The following ANKRD31 variants were observed in gnomAD, a reference collection of about 807,000 sequenced individuals.
The protein encoded by ANKRD31 is ankyrin repeat domain-containing protein 31.
A neutral mutation model predicts 186.0 loss-of-function variants in ANKRD31; 147 were observed. The ratio of observed to expected loss-of-function variants is 0.79; its 90% CI spans 0.69 to 0.91. ANKRD31 has a LOEUF of 0.91. ANKRD31 is among the 40% of genes least tolerant of loss of function. The pLI is 0.00. For missense variants in ANKRD31, 1,986 were observed against 2,148.8 expected, an observed-to-expected ratio of 0.92 and a Z score of 1.50; for synonymous variants, 673 against 736.4, an observed-to-expected ratio of 0.91 and a Z score of 1.39.
At chr5:75,110,480 G>A (rs978296839) in intron 20 of ANKRD31, among the ~76,000 whole-genome samples, 2 of 151,926 alleles carry the variant, frequency 1.3e-5, no homozygotes, top group African/African-American at 4.8e-5. Flanking sequence ...GGGAGGTCGA[G>A]GTGGGCCGAT....
intron 17 of ANKRD31, among the ~76,000 whole-genome samples, chr5:75,126,765 T>C (rs1206331378): frequency 6.6e-6 from 1 of 152,110 alleles, no homozygotes; most frequent in Non-Finnish European, 1.5e-5. Flanking sequence ...GATTTAGACA[T>C]CCAGACACAG....
chr5:75,223,289 AC>A (rs144763606), intron 2 of ANKRD31, among the ~76,000 whole-genome samples: 8,261 of 152,248 alleles, frequency 0.054, 516 homozygotes, highest in African/African-American at 0.15. Flanking sequence ...AAGAGGAAAC[AC>A]ATATACTACA....
chr5:75,175,151 T>G (rs1380656728), intron 10 of ANKRD31, among the ~76,000 whole-genome samples: 1 of 152,176 alleles, frequency 6.6e-6, no homozygotes, highest in Admixed American at 6.5e-5. Context: ...ACACCGCATG[T>G]TCTCACTCAT....
At chr5:75,075,231 T>C (rs1744536541) in intron 25 of ANKRD31, among the ~76,000 whole-genome samples, 2 of 152,222 alleles carry the variant, frequency 1.3e-5, no homozygotes, top group Non-Finnish European at 1.5e-5. Flanking sequence ...AAGGATTCTA[T>C]TACTGAGATT....
At chr5:75,167,767 G>T (rs1293369351) in intron 11 of ANKRD31, among the ~76,000 whole-genome samples, 4 of 152,092 alleles carry the variant, frequency 2.6e-5, no homozygotes. Context: ...TTCGAAGTGG[G>T]GCAAAGGAAC....
At chr5:75,117,785 A>T (rs1748419200) in intron 18 of ANKRD31, among the ~76,000 whole-genome samples, 1 of 152,124 alleles carries the variant, frequency 6.6e-6, no homozygotes, top group Non-Finnish European at 1.5e-5. Flanking sequence ...TTAGTTGCAA[A>T]AACTTCAGTA....
rs577774324 is a variant in ANKRD31, at chr5:75,147,563, C to T, written c.1906-58G>A. ...TTTCAGCGGTAGTACTATATCAATT[C>T]AATCTGGATTATTGATAAATCAACT... On this transcript the variant is annotated intron_variant, in intron 13 of 25. Transcript: ENST00000506364. 140 of 1,062,320 alleles carry T rather than the reference C, an allele frequency of 1.3e-4. 1 individual carries two copies. In the African/African-American group the frequency reaches 2.0e-3, roughly 15 times the overall value. The allele number at this position is 1,062,320 out of a possible 1,614,324, so 65.8% of individuals were successfully genotyped here. A position where few individuals can be genotyped will look rare whatever the true frequency, so the allele number is the denominator to read the frequency against.
In ANKRD31 at chr5:75,146,016, C is replaced by A; in HGVS notation, c.3395G>T (p.Arg1132Ile). The change falls in exon 14 of 26, where the codon AGA becomes ATA. Residue 1132 changes from arginine to isoleucine, a missense_variant. By Grantham distance (97) the Arg-to-Ile change is moderately conservative. Coordinates refer to ENST00000506364, the MANE Select transcript of ANKRD31 (RefSeq NM_001372053.1). ...ELANISKLSQ[R>I]EKKEISHKPD... Reference sequence around the variant, plus strand: ...TTTGTGAGAAATTTCCTTCTTTTCTCTTTGACTAAGTTTTGAGATGTTGGC... The same window carrying A: ...TTTGTGAGAAATTTCCTTCTTTTCTATTTGACTAAGTTTTGAGATGTTGGC... 1 of 1,494,260 alleles carries A rather than the reference C, an allele frequency of 6.7e-7. No homozygotes were observed. The highest frequency in any genetic ancestry group is 1.3e-5 in the South Asian group (1 of 76,616). 92.6% of individuals were successfully genotyped at this position (1,494,260 alleles called of 1,614,324 possible). A position where few individuals can be genotyped will look rare whatever the true frequency, so the allele number is the denominator to read the frequency against.
Position 75,068,623 on chromosome 5 carries a change from G to A in ANKRD31, c.5689C>T (p.Gln1897Ter), listed in dbSNP as rs1177388264. ...CTGATTAATAGTATTTCATTTATTTGTAGATAACGTGGGCTGCTTTGCATT... is the reference window on the plus strand; with the variant it reads ...CTGATTAATAGTATTTCATTTATTTATAGATAACGTGGGCTGCTTTGCATT... ...ESMQSSPRYL[Q>*]INEILLISDQ... is the part of the protein sequence containing the mutation. The change falls in exon 26 of 26, where the codon CAA (glutamine) becomes TAA (stop). Residue 1897 changes from glutamine to a stop codon, truncating the protein, a stop_gained. Transcript: ENST00000506364. LOFTEE classifies it high-confidence loss of function. The A allele has an allele frequency of 3.9e-6, 6 of 1,523,212 alleles. No homozygotes were observed. Among genetic ancestry groups the A allele is most frequent in the Non-Finnish European group, 5.3e-6 (6 of 1,140,922 alleles). 94.4% of individuals were successfully genotyped at this position (1,523,212 alleles called of 1,614,324 possible).
chr5:75,132,298 A>C (rs1306085927), intron 17 of ANKRD31, among the ~76,000 whole-genome samples: 5 of 152,224 alleles, frequency 3.3e-5, no homozygotes, highest in Non-Finnish European at 5.9e-5. Flanking sequence ...GCTAACTAGA[A>C]TAAACAGCAT....
At chr5:75,083,795 T>C (rs1745274636) in intron 24 of ANKRD31, among the ~76,000 whole-genome samples, 2 of 151,846 alleles carry the variant, frequency 1.3e-5, no homozygotes, top group African/African-American at 4.8e-5. Context: ...GGACAAATTA[T>C]GGTAAATCCA....
At chr5:75,151,990 T>C (rs1751872249) in intron 12 of ANKRD31, among the ~76,000 whole-genome samples, 1 of 152,082 alleles carries the variant, frequency 6.6e-6, no homozygotes, top group Non-Finnish European at 1.5e-5. Context: ...AATGAATGAA[T>C]GAATGACTCT....
intron 12 of ANKRD31, among the ~76,000 whole-genome samples, chr5:75,149,256 AG>A (rs1751694163): frequency 1.3e-5 from 2 of 151,970 alleles, no homozygotes; most frequent in Admixed American, 1.3e-4. Context: ...ATAAAAACCT[AG>A]GAACAATGGC....
intron 10 of ANKRD31, among the ~76,000 whole-genome samples, chr5:75,173,916 G>A (rs896401438): frequency 6.6e-5 from 10 of 152,070 alleles, no homozygotes; most frequent in Non-Finnish European, 1.0e-4. Flanking sequence ...AGCCTGCATA[G>A]CCAAGACAAT....
At chr5:75,171,088 A>G (rs1406870963) in intron 10 of ANKRD31, among the ~76,000 whole-genome samples, 1 of 151,870 alleles carries the variant, frequency 6.6e-6, no homozygotes, top group Non-Finnish European at 1.5e-5. Flanking sequence ...TAAAATCAAT[A>G]AAGATATAGA....
chr5:75,070,303 G>C (rs1744120651), intron 25 of ANKRD31, among the ~76,000 whole-genome samples: 1 of 152,048 alleles, frequency 6.6e-6, no homozygotes. Context: ...AATTAGCCTA[G>C]TTTCATCATT....
chr5:75,224,132 T>C (rs1416044132), intron 2 of ANKRD31, among the ~76,000 whole-genome samples: 13 of 12,008 alleles, frequency 1.1e-3, no homozygotes, highest in Non-Finnish European at 1.8e-3. Context: ...GAAATAATTA[T>C]ATATATATAT....
chr5:75,188,613 T>C lies in ANKRD31; in HGVS notation c.1444A>G (p.Ile482Val), dbSNP rs1754895899. 2 of 1,534,618 alleles carry C rather than the reference T, an allele frequency of 1.3e-6. No homozygotes were observed. Among genetic ancestry groups the C allele is most frequent in the African/African-American group, 1.4e-5 (1 of 72,920 alleles). ...MKVNKISLHSINRRNIFGENL... is the reference protein window; with the variant it reads ...MKVNKISLHSVNRRNIFGENL... Reference sequence around the variant, plus strand: ...TCTCCAAAAATGTTTCTCCGGTTAATGCTATGAAGAGATATTTTGTTCACC... The same window carrying C: ...TCTCCAAAAATGTTTCTCCGGTTAACGCTATGAAGAGATATTTTGTTCACC... The change falls in exon 10 of 26, where the codon ATT (isoleucine) becomes GTT (valine). Residue 482 changes from isoleucine (I) to valine (V), a missense_variant. By Grantham distance (29) the Ile-to-Val change is conservative. Coordinates refer to ENST00000506364, the MANE Select transcript of ANKRD31 (RefSeq NM_001372053.1).
At chr5:75,189,574 A>G (rs775626483) in intron 9 of ANKRD31, among the ~76,000 whole-genome samples, 1 of 152,216 alleles carries the variant, frequency 6.6e-6, no homozygotes, top group Non-Finnish European at 1.5e-5. Context: ...ATACCAGACT[A>G]CAAAGCATTC....
Sources: allele counts gnomAD v4.1 joint callset (sites outside exome capture counted in the v4.1 genomes callset), GRCh38; gene constraint gnomAD v4.1.1; transcripts MANE v1.5; gene names NCBI Gene and HGNC (gene_info 2026-07-23, HGNC 2026-07-21).